SLC9C1: variants seen among roughly 807,000 people sequenced by gnomAD.
The protein encoded by SLC9C1 is solute carrier family 9 member C1, also known as sodium/hydrogen exchanger 10.
A neutral mutation model predicts 140.9 loss-of-function variants in SLC9C1; 97 were observed. The observed-to-expected ratio is 0.69, with a 90% CI of 0.58 to 0.82. SLC9C1 has a LOEUF of 0.82. SLC9C1 is among the 40% of genes least tolerant of loss of function. The pLI is 0.00. For missense variants in SLC9C1, 1,340 were observed against 1,389.3 expected, an observed-to-expected ratio of 0.96 and a Z score of 0.56; for synonymous variants, 440 against 442.6, an observed-to-expected ratio of 0.99 and a Z score of 0.07.
chr3:112,288,684 C>T (rs1411853494), intron 1 of SLC9C1, among the ~76,000 whole-genome samples: 1 of 152,134 alleles, frequency 6.6e-6, no homozygotes, highest in Admixed American at 6.6e-5. Flanking sequence ...GTTTTGAGCC[C>T]AGGCATTCAA....
In SLC9C1 at chr3:112,269,992, C is replaced by A. The variant is rs1370349736; in HGVS notation, c.699G>T (p.Trp233Cys). ...GILSSKLIQF[W>C]MSTVFGDDVN... Reference sequence around the variant, plus strand: ...CATCATCACCAAAAACAGTTGACATCCAAAATTGAATCAGTTTTGAACTTA... The same window carrying A: ...CATCATCACCAAAAACAGTTGACATACAAAATTGAATCAGTTTTGAACTTA... The change falls in exon 7 of 29, where the codon TGG becomes TGT. Residue 233 changes from tryptophan to cysteine, a missense_variant. Trp to Cys is a radical substitution (Grantham distance 215, BLOSUM62 -2). Coordinates refer to ENST00000305815, the MANE Select transcript of SLC9C1 (RefSeq NM_183061.3). 6.3e-7 allele frequency: 1 copy of A among 1,599,724 alleles called. No homozygotes were observed. The highest frequency in any genetic ancestry group is 8.5e-7 in the Non-Finnish European group (1 of 1,173,916).
At chr3:112,167,531 A>G (rs2077162354) in intron 25 of SLC9C1, among the ~76,000 whole-genome samples, 184 bp from the exon 26 acceptor site, 1 of 152,182 alleles carries the variant, frequency 6.6e-6, no homozygotes, top group Non-Finnish European at 1.5e-5. Context: ...AAAAGTCACT[A>G]TTCCATATAC....
intron 23 of SLC9C1, among the ~76,000 whole-genome samples, chr3:112,177,124 A>G (rs1315174126): frequency 1.3e-5 from 2 of 150,336 alleles, no homozygotes; most frequent in African/African-American, 2.5e-5. Flanking sequence ...CTCCTGCCTC[A>G]GCCTTCTAAG....
chr3:112,275,093 A>G, intron 5 of SLC9C1, 68 bp from the exon 6 acceptor site: 1 of 1,461,128 alleles, frequency 6.8e-7, no homozygotes, highest in Non-Finnish European at 9.1e-7. Flanking sequence ...ATGTTAAAGA[A>G]TACAATTTTC....
At chr3:112,258,054 C>T (rs776670898) in intron 10 of SLC9C1, among the ~76,000 whole-genome samples, 18 of 152,030 alleles carry the variant, frequency 1.2e-4, no homozygotes, top group Non-Finnish European at 2.4e-4. Flanking sequence ...CAAATGCTGG[C>T]GAGGTTGCAG....
At chr3:112,206,812 G>C (rs1214023774) in intron 16 of SLC9C1, among the ~76,000 whole-genome samples, 1 of 150,686 alleles carries the variant, frequency 6.6e-6, no homozygotes, top group African/African-American at 2.4e-5. Context: ...CTGGACACAG[G>C]GCAAGGAACA....
At chr3:112,208,080 C>A in intron 16 of SLC9C1, 98 bp downstream of exon 16, 2 of 982,400 alleles carry the variant, frequency 2.0e-6, no homozygotes, top group Non-Finnish European at 1.4e-6. Flanking sequence ...TCATACACTC[C>A]TTCAGAAAAT....
At position 112,202,251 on chromosome 3, in the gene SLC9C1, T is replaced by C; in HGVS notation, c.2321A>G (p.Gln774Arg). ...DQITSSKQIK[Q>R]MLLKQVIRNM... is the part of the protein sequence containing the mutation. ...TCTTAGGATTTAAGGTTTTCTTACC[T>C]GTTTAATCTGTTTAGAACTTGTAAT... Residue 774 changes from glutamine to arginine, a missense_variant and splice_region_variant, in exon 18 of 29, where the codon CAG becomes CGG. Coordinates refer to ENST00000305815, the MANE Select transcript of SLC9C1 (RefSeq NM_183061.3). The C allele has an allele frequency of 6.2e-7, 1 of 1,608,706 alleles. No homozygotes were observed. The highest frequency in any genetic ancestry group is 8.5e-7 in the Non-Finnish European group (1 of 1,178,206).
At chr3:112,271,401 A>ATATATATATATATG (rs2080072052) in intron 6 of SLC9C1, among the ~76,000 whole-genome samples, 1 of 148,844 alleles carries the variant, frequency 6.7e-6, no homozygotes, top group Non-Finnish European at 1.5e-5. Context: ...TTGTATATAT[A>ATATATATATATATG]TATATATATC....
At chr3:112,151,450 TG>T (rs1241339305) in intron 28 of SLC9C1, 2 of 519,146 alleles carry the variant, frequency 3.9e-6, no homozygotes, top group Non-Finnish European at 7.7e-6. Context: ...GTATCTTTTA[TG>T]GTAGTTTAAT....
At chr3:112,228,410 A>C (rs1467928575) in intron 13 of SLC9C1, among the ~76,000 whole-genome samples, 2 of 152,042 alleles carry the variant, frequency 1.3e-5, no homozygotes, top group Non-Finnish European at 2.9e-5. Context: ...TAGATTAAAG[A>C]CTCACAACTA....
chr3:112,188,940 A>C (rs1243080848), intron 20 of SLC9C1, among the ~76,000 whole-genome samples: 1 of 152,166 alleles, frequency 6.6e-6, no homozygotes, highest in East Asian at 1.9e-4. Flanking sequence ...CTGGTGTGAG[A>C]TGTTATCTCA....
chr3:112,288,736 G>T (rs2080592925), intron 1 of SLC9C1, among the ~76,000 whole-genome samples: 1 of 152,064 alleles, frequency 6.6e-6, no homozygotes, highest in South Asian at 2.1e-4. Context: ...TTCCAACCGG[G>T]GTGACAGAGT....
chr3:112,167,382 C>A (rs890946117), intron 25 of SLC9C1, 35 bp from the exon 26 acceptor site: 2 of 1,538,972 alleles, frequency 1.3e-6, no homozygotes. Flanking sequence ...AATTTCTGAG[C>A]AAATATCCTA....
rs183578737 is a variant in SLC9C1 at position 112,281,742 on chromosome 3, G to A, written c.89-959C>T. Among the ~76,000 whole-genome samples the A allele has an allele frequency of 2.8e-3, 425 of 152,196 alleles. 11 individuals are homozygous for A. Among genetic ancestry groups the A allele is most frequent in the Admixed American group, 0.026 (394 of 15,278 alleles). ...GAAGCATTAAGAAGAATAAGACATC[G>A]GTTTGAAAAGAGTAATATGAATTTT... On this transcript the variant is annotated intron_variant, in intron 2 of 28. Transcript: ENST00000305815.
chr3:112,150,837 T>TAA (rs2074950584), intron 28 of SLC9C1, among the ~76,000 whole-genome samples: 6 of 50,476 alleles, frequency 1.2e-4, no homozygotes, highest in African/African-American at 9.2e-4. Context: ...TATATATATA[T>TAA]ATATTTTTTT....
chr3:112,227,142 C>T (rs947903029), intron 13 of SLC9C1, among the ~76,000 whole-genome samples: 2 of 151,868 alleles, frequency 1.3e-5, no homozygotes, highest in East Asian at 3.9e-4. Flanking sequence ...ATAGGAAGTC[C>T]GAATAGACCA....
intron 15 of SLC9C1, among the ~76,000 whole-genome samples, chr3:112,213,216 T>A (rs574674012): frequency 1.3e-5 from 2 of 152,086 alleles, no homozygotes; most frequent in South Asian, 4.2e-4. Flanking sequence ...GTACTAAACA[T>A]GGAAAGGAAC....
At chr3:112,177,847 G>C (rs1432532606) in intron 23 of SLC9C1, among the ~76,000 whole-genome samples, 1 of 149,146 alleles carries the variant, frequency 6.7e-6, no homozygotes, top group Non-Finnish European at 1.5e-5. Context: ...ATAGCCCAAA[G>C]CAGAAGGCTA....
Sources: gnomAD v4.1 joint callset for allele counts (sites outside exome capture counted in the v4.1 genomes callset) on GRCh38, gnomAD v4.1.1 for gene constraint, MANE v1.5 for transcripts, NCBI Gene and HGNC (gene_info 2026-07-23, HGNC 2026-07-21) for gene names.